The following CRISPLD2 variants were observed in gnomAD, a reference collection of about 807,000 sequenced individuals.
CRISPLD2 encodes cysteine rich secretory protein LCCL domain containing 2.
In CRISPLD2, 47 loss-of-function variants were observed where a neutral mutation model predicts 71.1. That is an observed-to-expected ratio of 0.66 (90% confidence interval 0.52 to 0.84). The LOEUF (loss-of-function observed/expected upper bound fraction) is 0.84. Ranked by LOEUF, CRISPLD2 falls within the 40% of genes least tolerant of loss-of-function variation. The pLI is 0.00. For synonymous variants in CRISPLD2, 317 were observed against 250.1 expected (o/e 1.27, Z -2.52); for missense variants, 830 against 651.1 (o/e 1.27, Z -2.99).
At chr16:84,854,883 A>G in intron 6 of CRISPLD2, 54 bp downstream of exon 6, 1 of 1,349,770 alleles carries the variant, frequency 7.4e-7, no homozygotes, top group South Asian at 1.2e-5. Context: ...AGTCTGAGTC[A>G]TGCGACAGCG....
chr16:84,884,275 T>C (rs182231936), intron 13 of CRISPLD2, among the ~76,000 whole-genome samples: 32 of 152,276 alleles, frequency 2.1e-4, no homozygotes, highest in Middle Eastern at 3.4e-3. Flanking sequence ...TGGGGCAAGG[T>C]GTGAGCCCCC....
At chr16:84,849,228 G>A (rs1418025048) in intron 3 of CRISPLD2, 157 bp from the exon 4 acceptor site, 3 of 721,980 alleles carry the variant, frequency 4.2e-6, no homozygotes, top group African/African-American at 1.7e-5. Context: ...CCGCCTCCTC[G>A]GCCTCCCTCC....
intron 1 of CRISPLD2, among the ~76,000 whole-genome samples, chr16:84,834,726 A>C (rs551361877): frequency 2.1e-3 from 318 of 152,300 alleles, no homozygotes; most frequent in Non-Finnish European, 3.4e-3. Context: ...CCAGAAGTCT[A>C]AGATCAAGGT....
chr16:84,833,702 G>C (rs1468432848), intron 1 of CRISPLD2, among the ~76,000 whole-genome samples: 1 of 152,204 alleles, frequency 6.6e-6, no homozygotes, highest in Admixed American at 6.5e-5. Flanking sequence ...GGTCAAAGGC[G>C]AGTGGGCAGC....
In CRISPLD2 at chr16:84,886,212, G is replaced by A. The variant is rs186518027; in HGVS notation, c.1306-3018G>A. Among the ~76,000 whole-genome samples the A allele has an allele frequency of 4.9e-3, 752 of 152,202 alleles. 6 individuals carry two copies. Among genetic ancestry groups the A allele is most frequent in the African/African-American group, 0.017 (707 of 41,522 alleles). ...CCAAATTGGTATTTTCAAAGAGCCC[G>A]CCTCTCTTCATTCCCTCATGCCTGG... On this transcript the variant is annotated intron_variant, in intron 13 of 14. Coordinates refer to ENST00000262424, the MANE Select transcript of CRISPLD2 (RefSeq NM_031476.4).
In CRISPLD2 at chr16:84,871,869, A is replaced by G. The variant is rs555145753; in HGVS notation, c.915-573A>G. 8.8e-3 allele frequency among the ~76,000 whole-genome samples: 580 copies of G among 66,016 alleles called. 19 individuals carry two copies. The highest frequency in any genetic ancestry group is 0.043 in the African/African-American group (559 of 12,886). 43.3% of individuals were successfully genotyped at this position (66,016 alleles called of 152,430 possible). On this transcript the variant is annotated intron_variant, in intron 8 of 14. Coordinates refer to ENST00000262424, the MANE Select transcript of CRISPLD2 (RefSeq NM_031476.4). ...GCCTGGCCTTGTTTTTTTTCAAATG[A>G]GAAAAAAAAAAAAAAAAAAAAAAAA...
intron 13 of CRISPLD2, among the ~76,000 whole-genome samples, chr16:84,887,283 A>G (rs540247601): frequency 5.3e-4 from 81 of 152,196 alleles, no homozygotes; most frequent in South Asian, 3.9e-3. Flanking sequence ...CTGTCTCTAC[A>G]CTACACGTGC....
chr16:84,823,546 C>A (rs532425048), intron 1 of CRISPLD2, among the ~76,000 whole-genome samples: 2 of 152,174 alleles, frequency 1.3e-5, no homozygotes, highest in East Asian at 3.9e-4. Context: ...CATTTGTGGG[C>A]AGTGTTGGCG....
At position 84,867,115 on chromosome 16, in the gene CRISPLD2, G is replaced by C. The variant is rs886869609; in HGVS notation, c.853+75G>C. On this transcript the variant is annotated intron_variant, in intron 7 of 14. Coordinates refer to ENST00000262424, the MANE Select transcript of CRISPLD2 (RefSeq NM_031476.4). ...AGGGGACGGGGTGGGTGGAGGAGGG[G>C]AGCTAGTGGATTTAGGTCTGCAAAT... 8.0e-6 allele frequency: 12 copies of C among 1,501,026 alleles called. No individual in the cohort carries two copies. The African/African-American group carries it at 1.4e-4, about 17-fold the overall frequency. 93.0% of individuals were successfully genotyped at this position (1,501,026 alleles called of 1,614,324 possible).
chr16:84,886,139 C>A (rs1304161079), intron 13 of CRISPLD2, among the ~76,000 whole-genome samples: 2 of 152,126 alleles, frequency 1.3e-5, no homozygotes, highest in African/African-American at 4.8e-5. Context: ...ATCTGCCCAC[C>A]TCGGCCTCCC....
intron 6 of CRISPLD2, among the ~76,000 whole-genome samples, chr16:84,860,711 C>T (rs116880310): frequency 0.015 from 2,291 of 152,322 alleles, 30 homozygotes; most frequent in Non-Finnish European, 0.023. Flanking sequence ...GGTCCTCCCA[C>T]ACTTCCCCAT....
At chr16:84,858,452 C>A (rs962330059) in intron 6 of CRISPLD2, among the ~76,000 whole-genome samples, 1 of 152,186 alleles carries the variant, frequency 6.6e-6, no homozygotes, top group African/African-American at 2.4e-5. Flanking sequence ...GAAGGAATAC[C>A]TTAACAGGCC....
chr16:84,849,333 C>G (rs1340393767), intron 3 of CRISPLD2, 52 bp from the exon 4 acceptor site: 2 of 1,551,786 alleles, frequency 1.3e-6, no homozygotes, highest in South Asian at 1.2e-5. Context: ...GCTGTCTCCA[C>G]TGGTGGGTGA....
Position 84,873,518 on chromosome 16 carries a change from C to CA in CRISPLD2, c.1113-392dup, listed in dbSNP as rs61561196. ...AAAACAACAACAACAAAAAAAAAAA[C>CA]AAAAAAAAAACCCACAGCTCTAACT... On this transcript the variant is annotated intron_variant, in intron 10 of 14. Transcript: ENST00000262424. The CA allele has an allele frequency of 1.2e-3, 152 of 128,000 alleles. 3 individuals carry two copies. The highest frequency in any genetic ancestry group is 3.2e-3 in the African/African-American group (102 of 31,836). 7.9% of individuals were successfully genotyped at this position (128,000 alleles called of 1,614,324 possible). A position where few individuals can be genotyped will look rare whatever the true frequency, so the allele number is the denominator to read the frequency against.
intron 1 of CRISPLD2, among the ~76,000 whole-genome samples, chr16:84,820,848 A>G (rs1182770713): frequency 1.3e-5 from 2 of 151,964 alleles, no homozygotes; most frequent in African/African-American, 4.8e-5. Context: ...GGGGAGAGTT[A>G]CCCTGGAAGC....
chr16:84,848,985 CAA>C (rs11389223), intron 3 of CRISPLD2, among the ~76,000 whole-genome samples: 6 of 106,716 alleles, frequency 5.6e-5, no homozygotes, highest in Admixed American at 2.0e-4. Flanking sequence ...GACTCCGTCT[CAA>C]AAAAAAAAAA....
rs1482990691 is a variant in CRISPLD2, at chr16:84,845,719, G to A, written c.241-67G>A. ...CAGGAGCCCAGGCTGGGGCGTTGCT[G>A]TATTTATGGTTCTTATGCCCCTCCC... On this transcript the variant is annotated intron_variant, in intron 2 of 14. Coordinates refer to ENST00000262424, the MANE Select transcript of CRISPLD2 (RefSeq NM_031476.4). 15 of 1,071,356 alleles carry A rather than the reference G, an allele frequency of 1.4e-5. No individual in the cohort carries two copies. The Admixed American group carries it at 1.5e-4, about 11-fold the overall frequency. 66.4% of individuals were successfully genotyped at this position (1,071,356 alleles called of 1,614,324 possible).
At chr16:84,834,061 G>A (rs1376274353) in intron 1 of CRISPLD2, among the ~76,000 whole-genome samples, 1 of 152,226 alleles carries the variant, frequency 6.6e-6, no homozygotes, top group Non-Finnish European at 1.5e-5. Context: ...GGTTAGAAGA[G>A]CTGCGTTCCG....
chr16:84,895,383 T>C (rs1249464439), intron 14 of CRISPLD2, among the ~76,000 whole-genome samples: 1 of 152,196 alleles, frequency 6.6e-6, no homozygotes, highest in Non-Finnish European at 1.5e-5. Flanking sequence ...AATGCCAAGA[T>C]ATACTTGTTC....
Sources: allele counts gnomAD v4.1 joint callset (sites outside exome capture counted in the v4.1 genomes callset), GRCh38; gene constraint gnomAD v4.1.1; transcripts MANE v1.5; gene names NCBI Gene and HGNC (gene_info 2026-07-23, HGNC 2026-07-21).